CLIC5: variants seen among roughly 807,000 people sequenced by gnomAD.
CLIC5 encodes the protein chloride intracellular channel protein 5.
In CLIC5, 20 loss-of-function variants were observed where a neutral mutation model predicts 24.7. The ratio of observed to expected loss-of-function variants is 0.81; its 90% CI spans 0.57 to 1.18. CLIC5 has a LOEUF of 1.18. CLIC5 is among the 50% of genes most tolerant of loss of function. The pLI is 0.00. For missense variants in CLIC5, 341 were observed against 326.1 expected (o/e 1.05, Z -0.35); for synonymous variants, 159 against 135.6 (o/e 1.17, Z -1.20).
chr6:46,079,471 T>C (rs1457123082), intron 1 of CLIC5, among the ~76,000 whole-genome samples: 1 of 152,260 alleles, frequency 6.6e-6, no homozygotes, highest in East Asian at 1.9e-4. Flanking sequence ...TTGCCCATGG[T>C]ATGTAAAAGT....
intron 1 of CLIC5, among the ~76,000 whole-genome samples, chr6:45,997,146 C>G (rs1766174232): frequency 6.7e-6 from 1 of 150,160 alleles, no homozygotes; most frequent in East Asian, 2.0e-4. Flanking sequence ...AAATGTGGCA[C>G]ATATACACCA....
the CLIC5 span, among the ~76,000 whole-genome samples, chr6:46,125,502 C>T: frequency 6.6e-6 from 1 of 152,120 alleles, no homozygotes; most frequent in Non-Finnish European, 1.5e-5. Flanking sequence ...GTGTAGCACA[C>T]CAACATGGCA....
chr6:46,070,064 A>C (rs181777978), intron 1 of CLIC5, among the ~76,000 whole-genome samples: 561 of 152,310 alleles, frequency 3.7e-3, no homozygotes, highest in African/African-American at 0.012. Flanking sequence ...GTATCAAAGG[A>C]ACATGCCTCA....
rs6909306 is a variant in CLIC5 at position 45,955,389 on chromosome 6, A to G, written c.64-145T>C. 1.7e-5 allele frequency: 10 copies of G among 585,646 alleles called. 1 individual carries two copies. The highest frequency in any genetic ancestry group is 1.5e-4 in the African/African-American group (8 of 53,458). The allele number at this position is 585,646 out of a possible 1,614,324, so 36.3% of individuals were successfully genotyped here. On this transcript the variant is annotated intron_variant, in intron 1 of 5. Coordinates refer to ENST00000339561, the MANE Select transcript of CLIC5 (RefSeq NM_016929.5). ...CAAAGGGCGGTAGCCTGATATTATT[A>G]GTTTTTGCCTTAATGTCCACGCAGG...
chr6:45,886,228 A>G (rs1309576949), intron 6 of CLIC5, among the ~76,000 whole-genome samples: 1 of 152,164 alleles, frequency 6.6e-6, no homozygotes, highest in African/African-American at 2.4e-5. Context: ...GAAATCTTGA[A>G]AAACTCCCCA....
chr6:45,982,485 G>A (rs150607571), intron 1 of CLIC5, among the ~76,000 whole-genome samples: 1 of 152,090 alleles, frequency 6.6e-6, no homozygotes, highest in African/African-American at 2.4e-5. Context: ...AACCTAGATA[G>A]TTCCAGCCTA....
downstream of CLIC5, among the ~76,000 whole-genome samples, chr6:45,897,039 A>G (rs1581705667): frequency 6.6e-6 from 1 of 152,178 alleles, no homozygotes; most frequent in East Asian, 1.9e-4. Context: ...CAGAGTTAGG[A>G]CCAGTTTCAG....
At chr6:46,113,382 G>A in the CLIC5 span, among the ~76,000 whole-genome samples, 2 of 152,168 alleles carry the variant, frequency 1.3e-5, no homozygotes, top group African/African-American at 4.8e-5. Context: ...AAGGGGGGTG[G>A]CCTGAGGCAT....
At chr6:46,039,785 T>C (rs1767756313) in intron 1 of CLIC5, among the ~76,000 whole-genome samples, 1 of 152,098 alleles carries the variant, frequency 6.6e-6, no homozygotes, top group African/African-American at 2.4e-5. Context: ...AATGAGATCA[T>C]AGGAAATAAA....
chr6:45,951,777 A>G (rs1764476517), intron 2 of CLIC5, among the ~76,000 whole-genome samples: 1 of 152,112 alleles, frequency 6.6e-6, no homozygotes, highest in Non-Finnish European at 1.5e-5. Context: ...CTGTAAAAAA[A>G]GTAAACAGTG....
In CLIC5 at chr6:46,015,782, G is replaced by A; in HGVS notation, c.-240C>T. 1 of 1,224,114 alleles carries A rather than the reference G, an allele frequency of 8.2e-7. No homozygotes were observed. Among genetic ancestry groups the A allele is most frequent in the Non-Finnish European group, 1.0e-6 (1 of 982,156 alleles). 75.8% of individuals were successfully genotyped at this position (1,224,114 alleles called of 1,614,324 possible). ...GGCGGGGGGCCACGGGGAAAGCCGG[G>A]TTAAGGGAATGACAACAGGTCGTGG... On this transcript the variant is annotated 5_prime_UTR_variant, in exon 1 of 6. Transcript: ENST00000339561.
chr6:46,037,520 T>C (rs1035075494), intron 1 of CLIC5, among the ~76,000 whole-genome samples: 1 of 152,358 alleles, frequency 6.6e-6, no homozygotes, highest in African/African-American at 2.4e-5. Flanking sequence ...CACTTAAACT[T>C]CCTGATTTCC....
intron 1 of CLIC5, among the ~76,000 whole-genome samples, chr6:46,037,633 C>T (rs1767699327): frequency 2.0e-5 from 3 of 152,124 alleles, no homozygotes; most frequent in Non-Finnish European, 4.4e-5. Flanking sequence ...GTGTTGGGCA[C>T]CCTATTTTGA....
chr6:46,011,708 A>G (rs1670246051), intron 1 of CLIC5, among the ~76,000 whole-genome samples: 1 of 152,164 alleles, frequency 6.6e-6, no homozygotes. Context: ...GATCTAACCT[A>G]CACAGCACAT....
chr6:45,887,832 A>G (rs1012972627), intron 6 of CLIC5, among the ~76,000 whole-genome samples: 1 of 152,236 alleles, frequency 6.6e-6, no homozygotes, highest in Non-Finnish European at 1.5e-5. Flanking sequence ...AGAGGGCTGT[A>G]AGCCTAAGGA....
intron 5 of CLIC5, among the ~76,000 whole-genome samples, chr6:45,912,932 TACGGAAACAC>T: frequency 6.6e-6 from 1 of 152,232 alleles, no homozygotes; most frequent in Non-Finnish European, 1.5e-5. Flanking sequence ...CTCTAAGGCA[TACGGAAACAC>T]CAGTGTACAC....
chr6:46,090,329 AC>A, the CLIC5 span, among the ~76,000 whole-genome samples: 1 of 151,234 alleles, frequency 6.6e-6, no homozygotes, highest in African/African-American at 2.4e-5. Context: ...TTCGGCTCCG[AC>A]CCCAACGCCT....
chr6:46,016,058 G>T (rs964443496), upstream of CLIC5, among the ~76,000 whole-genome samples: 1 of 151,732 alleles, frequency 6.6e-6, no homozygotes. Flanking sequence ...TGTCCTGGGG[G>T]CGGATAATGA....
chr6:45,960,613 C>T (rs1351605651), intron 1 of CLIC5, among the ~76,000 whole-genome samples: 4 of 152,182 alleles, frequency 2.6e-5, no homozygotes, highest in Non-Finnish European at 4.4e-5. Context: ...CAATAACCTT[C>T]CCAGCACTCT....
Sources: gnomAD v4.1 joint callset for allele counts (sites outside exome capture counted in the v4.1 genomes callset) on GRCh38, gnomAD v4.1.1 for gene constraint, MANE v1.5 for transcripts, NCBI Gene and HGNC (gene_info 2026-07-23, HGNC 2026-07-21) for gene names.